Variants in PTPRO observed in about 807,000 individuals in gnomAD.
The protein encoded by PTPRO is receptor-type tyrosine-protein phosphatase O.
A neutral mutation model predicts 145.2 loss-of-function variants in PTPRO; 62 were observed. The ratio of observed to expected loss-of-function variants is 0.43; its 90% confidence interval spans 0.35 to 0.53. PTPRO has a LOEUF of 0.53. Ranked by LOEUF, PTPRO falls within the 20% of genes least tolerant of loss-of-function variation. The pLI is 0.01. For missense variants in PTPRO, 1,345 were observed against 1,482.7 expected (o/e 0.91, Z 1.53); for synonymous variants, 565 against 514.7 (o/e 1.10, Z -1.32).
chr12:15,372,050 A>G (rs752589499), intron 1 of PTPRO, among the ~76,000 whole-genome samples: 1 of 152,168 alleles, frequency 6.6e-6, no homozygotes, highest in Non-Finnish European at 1.5e-5. Context: ...ATACACTTAT[A>G]TTTTGCAAAT....
intron 19 of PTPRO, among the ~76,000 whole-genome samples, chr12:15,571,014 T>C (rs1016937002): frequency 6.6e-6 from 1 of 152,180 alleles, no homozygotes; most frequent in African/African-American, 2.4e-5. Flanking sequence ...TCAAACTTGT[T>C]TAAACTAAAG....
intron 10 of PTPRO, among the ~76,000 whole-genome samples, chr12:15,524,281 T>G (rs1277106601): frequency 6.6e-6 from 1 of 152,136 alleles, no homozygotes; most frequent in Non-Finnish European, 1.5e-5. Context: ...AAATAATGTC[T>G]TGTTATTTTA....
intron 1 of PTPRO, among the ~76,000 whole-genome samples, chr12:15,448,339 T>TTTAA (rs1940956391): frequency 2.2e-5 from 1 of 45,020 alleles, no homozygotes; most frequent in East Asian, 8.7e-4. Context: ...CTGTTCCTAG[T>TTTAA]AAAAAAAAAA....
Position 15,499,600 on chromosome 12 carries a change from T to A in PTPRO, c.661+6T>A. 6.2e-7 allele frequency: 1 copy of A among 1,611,208 alleles called. No individual in the cohort carries two copies. The highest frequency in any genetic ancestry group is 8.5e-7 in the Non-Finnish European group (1 of 1,177,456). ...ACCCAAACAGCACAGAACTGGTAAG[T>A]CTCCTGAAGAATCAAATACAGTGAA... On this transcript the variant is annotated splice_donor_region_variant and intron_variant, in intron 4 of 26. Transcript: ENST00000281171.
chr12:15,411,453 C>CAT (rs1353871102), intron 1 of PTPRO, among the ~76,000 whole-genome samples: 4 of 152,202 alleles, frequency 2.6e-5, no homozygotes, highest in Non-Finnish European at 5.9e-5. Context: ...TCTTCCTGGA[C>CAT]ATATGCCTTT....
chr12:15,502,403 G>A (rs10772858), intron 5 of PTPRO, among the ~76,000 whole-genome samples: 152,327 of 152,356 alleles, frequency 1, 76,149 homozygotes, highest in Middle Eastern at 1. Flanking sequence ...ATCCCAGAAT[G>A]TTACAACATA....
chr12:15,493,965 A>T (rs1942051863), intron 2 of PTPRO, among the ~76,000 whole-genome samples: 1 of 152,208 alleles, frequency 6.6e-6, no homozygotes, highest in African/African-American at 2.4e-5. Flanking sequence ...CAAGAGTGAT[A>T]AATCTTAAAA....
At chr12:15,517,873 T>A (rs1942631781) in intron 9 of PTPRO, among the ~76,000 whole-genome samples, 2 of 152,180 alleles carry the variant, frequency 1.3e-5, no homozygotes. Context: ...AGGCTGGCAT[T>A]GAGTGTCTGC....
intron 1 of PTPRO, among the ~76,000 whole-genome samples, chr12:15,398,037 C>T (rs747597817): frequency 3.3e-5 from 5 of 152,096 alleles, no homozygotes; most frequent in Non-Finnish European, 7.4e-5. Context: ...GGGCATGAGG[C>T]GAGGCAAGGG....
chr12:15,520,144 C>A, intron 9 of PTPRO, 57 bp from the exon 10 acceptor site: 1 of 1,197,020 alleles, frequency 8.4e-7, no homozygotes, highest in South Asian at 1.2e-5. Context: ...AAGTCTACTC[C>A]AAAAATAGTA....
At chr12:15,504,098 T>TCATTATTA (rs750237472) in intron 6 of PTPRO, 29 bp downstream of exon 6, 1 of 1,584,532 alleles carries the variant, frequency 6.3e-7, no homozygotes, top group Non-Finnish European at 8.7e-7. Flanking sequence ...ATTTTACACT[T>TCATTATTA]ACTGGGGAGC....
chr12:15,443,909 A>T (rs1201544004), intron 1 of PTPRO, among the ~76,000 whole-genome samples: 1 of 152,128 alleles, frequency 6.6e-6, no homozygotes, highest in East Asian at 1.9e-4. Context: ...CAGCTCTGCC[A>T]ATACAGAAAG....
chr12:15,387,379 T>C (rs986062272), intron 1 of PTPRO, among the ~76,000 whole-genome samples: 12 of 123,762 alleles, frequency 9.7e-5, no homozygotes, highest in Non-Finnish European at 1.9e-4. Flanking sequence ...GGGAGGGGGG[T>C]GGGTAAGGGA....
chr12:15,382,984 T>A (rs12826189), intron 1 of PTPRO, among the ~76,000 whole-genome samples: 1 of 152,198 alleles, frequency 6.6e-6, no homozygotes, highest in Admixed American at 6.5e-5. Context: ...TAAAATTCAC[T>A]CTTTTAGCAA....
At chr12:15,400,505 C>G (rs929381347) in intron 1 of PTPRO, among the ~76,000 whole-genome samples, 1 of 152,166 alleles carries the variant, frequency 6.6e-6, no homozygotes, top group African/African-American at 2.4e-5. Context: ...ACATGCTCTC[C>G]TTTCCCCACT....
intron 12 of PTPRO, 34 bp from the exon 13 acceptor site, chr12:15,546,535 A>T (rs578112302): frequency 1.9e-6 from 3 of 1,553,166 alleles, no homozygotes; most frequent in Non-Finnish European, 2.6e-6. Flanking sequence ...CACTTAGTAA[A>T]TTAAATTTTT....
chr12:15,499,648 C>T lies in PTPRO; in HGVS notation c.661+54C>T, dbSNP rs566590512. 6 of 1,551,340 alleles carry T rather than the reference C, an allele frequency of 3.9e-6. No individual in the cohort carries two copies. The South Asian group carries it at 6.7e-5, about 17-fold the overall frequency. On this transcript the variant is annotated intron_variant, in intron 4 of 26. Coordinates refer to ENST00000281171, the MANE Select transcript of PTPRO (RefSeq NM_030667.3). ...GAAAAAATAATTCAGTTATATTTTG[C>T]TGTACATTTATTTTTTATCCTAAGA...
At chr12:15,472,120 CA>C (rs1247097746) in intron 1 of PTPRO, among the ~76,000 whole-genome samples, 2 of 152,176 alleles carry the variant, frequency 1.3e-5, no homozygotes, top group Non-Finnish European at 2.9e-5. Flanking sequence ...AACCTGAGCA[CA>C]GCAGAATTTT....
chr12:15,400,467 G>A (rs994592691), intron 1 of PTPRO, among the ~76,000 whole-genome samples: 1 of 152,030 alleles, frequency 6.6e-6, no homozygotes, highest in African/African-American at 2.4e-5. Context: ...CATGTCAGTG[G>A]CTCTGCATGC....
Sources: gnomAD v4.1 joint callset for allele counts (sites outside exome capture counted in the v4.1 genomes callset) on GRCh38, gnomAD v4.1.1 for gene constraint, MANE v1.5 for transcripts, NCBI Gene and HGNC (gene_info 2026-07-23, HGNC 2026-07-21) for gene names.